The following CCSER1 variants were observed in gnomAD, a reference collection of about 807,000 sequenced individuals.
CCSER1 encodes the protein serine-rich coiled-coil domain-containing protein 1.
Under a neutral mutation model 82.0 loss-of-function variants are expected in CCSER1, and 41 were observed. The observed-to-expected ratio is 0.50, with a 90% CI of 0.39 to 0.65. The LOEUF (loss-of-function observed/expected upper bound fraction) is 0.65, where lower values mean the gene tolerates loss of function less well. Among genes scored for constraint, CCSER1 ranks in the 30% least tolerant of loss-of-function variants. The pLI is 0.00. For synonymous variants in CCSER1, 414 were observed against 383.9 expected, an observed-to-expected ratio of 1.08 and a Z score of -0.92; for missense variants, 1,119 against 1,064.2, an observed-to-expected ratio of 1.05 and a Z score of -0.72.
At chr4:91,099,302 C>T (rs1422547233) in intron 10 of CCSER1, among the ~76,000 whole-genome samples, 1 of 152,096 alleles carries the variant, frequency 6.6e-6, no homozygotes, top group African/African-American at 2.4e-5. Context: ...GGTTTGGTGC[C>T]TATAGCCCAC....
chr4:90,479,368 T>C (rs1300763567), intron 5 of CCSER1, among the ~76,000 whole-genome samples: 5 of 152,198 alleles, frequency 3.3e-5, no homozygotes, highest in Non-Finnish European at 7.4e-5. Flanking sequence ...TTATTCATTT[T>C]ACTAGCTATT....
chr4:90,332,159 C>T (rs1365324092), intron 3 of CCSER1, among the ~76,000 whole-genome samples: 1 of 152,080 alleles, frequency 6.6e-6, no homozygotes, highest in Non-Finnish European at 1.5e-5. Flanking sequence ...GTTAACCAAA[C>T]TTACTTTCAT....
At chr4:90,976,506 A>T (rs1412062761) in intron 9 of CCSER1, among the ~76,000 whole-genome samples, 1 of 151,322 alleles carries the variant, frequency 6.6e-6, no homozygotes, top group African/African-American at 2.4e-5. Flanking sequence ...GATTAAAAAA[A>T]ATAGTCACAG....
chr4:90,912,193 C>A (rs1455140338), intron 8 of CCSER1, among the ~76,000 whole-genome samples: 1 of 152,224 alleles, frequency 6.6e-6, no homozygotes, highest in Non-Finnish European at 1.5e-5. Flanking sequence ...CAAGTGGATC[C>A]CTGACCTGCG....
At chr4:91,340,456 G>C (rs1370688452) in intron 10 of CCSER1, among the ~76,000 whole-genome samples, 1 of 152,160 alleles carries the variant, frequency 6.6e-6, no homozygotes, top group African/African-American at 2.4e-5. Context: ...ATAGAGGCTA[G>C]TTGACAAAAA....
intron 1 of CCSER1, among the ~76,000 whole-genome samples, chr4:90,271,842 ATATATATATATATATATATATTTTTTTT>A (rs1726388283): frequency 3.1e-5 from 1 of 32,308 alleles, no homozygotes; most frequent in African/African-American, 1.1e-4. Context: ...ATATATATAT[ATATATATATATATATATATATTTTTTTT>A]TTTTTTTTTT....
At chr4:91,158,178 C>A (rs758823126) in intron 10 of CCSER1, among the ~76,000 whole-genome samples, 1 of 151,996 alleles carries the variant, frequency 6.6e-6, no homozygotes, top group Non-Finnish European at 1.5e-5. Flanking sequence ...GTATTTTGCA[C>A]TTTCAGATCA....
intron 4 of CCSER1, chr4:90,404,198 C>G (rs1378560965): frequency 1.3e-5 from 2 of 152,234 alleles, no homozygotes; most frequent in Non-Finnish European, 2.9e-5. Context: ...ACAGCTTTCC[C>G]CAGCTTCCCT....
chr4:91,197,144 T>TGG (rs1387546466), intron 10 of CCSER1, among the ~76,000 whole-genome samples: 3 of 152,110 alleles, frequency 2.0e-5, no homozygotes, highest in Non-Finnish European at 4.4e-5. Flanking sequence ...TATTGAAAAA[T>TGG]CTGTATTATC....
At chr4:90,727,475 C>A (rs547279609) in intron 7 of CCSER1, among the ~76,000 whole-genome samples, 21 of 152,288 alleles carry the variant, frequency 1.4e-4, no homozygotes, top group African/African-American at 5.1e-4. Context: ...CTCATTCTAT[C>A]CTTTTCTATC....
intron 9 of CCSER1, among the ~76,000 whole-genome samples, chr4:90,993,021 C>G (rs924349161): frequency 6.6e-6 from 1 of 151,986 alleles, no homozygotes; most frequent in Non-Finnish European, 1.5e-5. Context: ...TGTCCACAAC[C>G]CTAAGTCTCC....
At chr4:90,570,530 A>G (rs867520835) in intron 5 of CCSER1, among the ~76,000 whole-genome samples, 1 of 152,092 alleles carries the variant, frequency 6.6e-6, no homozygotes, top group East Asian at 1.9e-4. Context: ...AGCACAGGGG[A>G]CTGATGGTCC....
chr4:90,652,879 T>A (rs2149053182), intron 6 of CCSER1, among the ~76,000 whole-genome samples: 1 of 152,304 alleles, frequency 6.6e-6, no homozygotes, highest in East Asian at 1.9e-4. Flanking sequence ...TCCTCAAAAT[T>A]AAGTTTCTGT....
intron 1 of CCSER1, among the ~76,000 whole-genome samples, chr4:90,169,425 G>T (rs113613433): frequency 5.3e-5 from 8 of 151,752 alleles, no homozygotes; most frequent in East Asian, 1.9e-4. Flanking sequence ...TCTGCAAACA[G>T]GGACAATTTG....
intron 10 of CCSER1, among the ~76,000 whole-genome samples, chr4:91,172,583 T>C (rs1460611578): frequency 6.6e-6 from 1 of 152,174 alleles, no homozygotes; most frequent in African/African-American, 2.4e-5. Flanking sequence ...CCGGGTGCTT[T>C]GCTGAGTGCA....
intron 3 of CCSER1, among the ~76,000 whole-genome samples, chr4:90,373,816 G>A (rs1020874550): frequency 6.6e-6 from 1 of 152,036 alleles, no homozygotes; most frequent in African/African-American, 2.4e-5. Flanking sequence ...GCCTCCCCTT[G>A]GAACAAAGGA....
chr4:91,367,929 T>G (rs2149320297), intron 10 of CCSER1, among the ~76,000 whole-genome samples: 1 of 152,342 alleles, frequency 6.6e-6, no homozygotes, highest in African/African-American at 2.4e-5. Flanking sequence ...CAGGAAATGT[T>G]TTGAATAATA....
At chr4:91,440,467 G>T (rs980775535) in intron 10 of CCSER1, among the ~76,000 whole-genome samples, 2 of 152,222 alleles carry the variant, frequency 1.3e-5, no homozygotes, top group Non-Finnish European at 2.9e-5. Flanking sequence ...CACGTTCAAA[G>T]CAGTGTGTAG....
intron 6 of CCSER1, among the ~76,000 whole-genome samples, chr4:90,684,424 G>A (rs1734440645): frequency 6.6e-6 from 1 of 151,940 alleles, no homozygotes; most frequent in South Asian, 2.1e-4. Flanking sequence ...CATTATTTTT[G>A]TCCTTACTGT....
Sources: gnomAD v4.1 joint callset for allele counts (sites outside exome capture counted in the v4.1 genomes callset) on GRCh38, gnomAD v4.1.1 for gene constraint, MANE v1.5 for transcripts, NCBI Gene and HGNC (gene_info 2026-07-23, HGNC 2026-07-21) for gene names.